CNTNAP2: variants seen among roughly 807,000 people sequenced by gnomAD.
CNTNAP2 encodes the protein contactin-associated protein-like 2.
In CNTNAP2, 98 loss-of-function variants were observed where a neutral mutation model predicts 155.2. That is an observed-to-expected ratio of 0.63 (90% CI 0.54 to 0.75). The LOEUF (loss-of-function observed/expected upper bound fraction) is 0.75. Ranked by LOEUF, CNTNAP2 falls within the 30% of genes least tolerant of loss-of-function variation. The pLI is 0.00. For synonymous variants in CNTNAP2, 651 were observed against 631.2 expected (o/e 1.03, Z -0.47); for missense variants, 1,727 against 1,688.1 (o/e 1.02, Z -0.40).
chr7:147,284,762 G>A (rs1366570336), intron 8 of CNTNAP2, among the ~76,000 whole-genome samples: 1 of 151,696 alleles, frequency 6.6e-6, no homozygotes, highest in Non-Finnish European at 1.5e-5. Context: ...CTACCAAAAG[G>A]GCAGTTGACA....
chr7:146,586,018 C>CAACAAAACAA (rs59673565), intron 1 of CNTNAP2, among the ~76,000 whole-genome samples: 123,454 of 151,066 alleles, frequency 0.82, 50,985 homozygotes, highest in South Asian at 0.9. Context: ...AAAACAACAA[C>CAACAAAACAA]AACAAAACAA....
intron 9 of CNTNAP2, among the ~76,000 whole-genome samples, chr7:147,342,340 GA>G (rs971511376): frequency 7.9e-6 from 1 of 126,706 alleles, no homozygotes; most frequent in African/African-American, 2.8e-5. Flanking sequence ...TTTGATCAAA[GA>G]AAAAATATGT....
At chr7:148,390,306 C>A (rs928583274) in intron 22 of CNTNAP2, among the ~76,000 whole-genome samples, 2 of 151,922 alleles carry the variant, frequency 1.3e-5, no homozygotes, top group African/African-American at 4.8e-5. Context: ...AACAAATGAA[C>A]AATAAATTTG....
At chr7:148,322,318 G>T (rs1162503745) in intron 21 of CNTNAP2, among the ~76,000 whole-genome samples, 2 of 152,146 alleles carry the variant, frequency 1.3e-5, no homozygotes, top group Admixed American at 6.5e-5. Flanking sequence ...TACTCCCTCT[G>T]CCACGCTAGG....
chr7:147,519,340 C>T (rs1420416617), intron 11 of CNTNAP2, among the ~76,000 whole-genome samples: 1 of 152,080 alleles, frequency 6.6e-6, no homozygotes, highest in Non-Finnish European at 1.5e-5. Context: ...CACTGACTAC[C>T]CTGCCTTTCT....
chr7:148,070,976 T>G (rs192922344), intron 15 of CNTNAP2, among the ~76,000 whole-genome samples: 4 of 152,158 alleles, frequency 2.6e-5, no homozygotes, highest in Admixed American at 2.6e-4. Flanking sequence ...ATCATTTAAT[T>G]TTTCTTTTTT....
At chr7:146,744,079 A>C (rs1265485903) in intron 1 of CNTNAP2, among the ~76,000 whole-genome samples, 1 of 151,780 alleles carries the variant, frequency 6.6e-6, no homozygotes, top group Non-Finnish European at 1.5e-5. Flanking sequence ...AATACAAAAA[A>C]TAGCCAGATG....
At chr7:147,785,934 A>G (rs1012318668) in intron 13 of CNTNAP2, among the ~76,000 whole-genome samples, 5 of 151,418 alleles carry the variant, frequency 3.3e-5, no homozygotes, top group African/African-American at 7.3e-5. Flanking sequence ...GGAGGTTGCA[A>G]TGAGCCAAGA....
chr7:146,835,860 A>G (rs1278940696), intron 2 of CNTNAP2, among the ~76,000 whole-genome samples: 6 of 152,136 alleles, frequency 3.9e-5, no homozygotes, highest in Non-Finnish European at 8.8e-5. Flanking sequence ...TCTTTGACCA[A>G]TCCCTGCAGG....
rs529427498 is a variant in CNTNAP2, at chr7:147,574,951, G to A, written c.1897+12694G>A. Among the ~76,000 whole-genome samples the A allele has an allele frequency of 2.0e-5, 3 of 152,148 alleles. No homozygotes were observed. The East Asian group carries it at 5.8e-4, about 29-fold the overall frequency. On this transcript the variant is annotated intron_variant, in intron 12 of 23. Coordinates refer to ENST00000361727, the MANE Select transcript of CNTNAP2 (RefSeq NM_014141.6). ...TTTATTAATTACTGAATCTTTTATG[G>A]ATTCATGGTCGAAAGTTGGGTTGGT...
intron 23 of CNTNAP2, among the ~76,000 whole-genome samples, chr7:148,410,564 TCAA>T (rs1563078141): frequency 4.1e-5 from 1 of 24,548 alleles, no homozygotes; most frequent in Non-Finnish European, 1.1e-4. Flanking sequence ...GAGACCTTTC[TCAA>T]AAAAAAAAAA....
intron 3 of CNTNAP2, among the ~76,000 whole-genome samples, chr7:146,991,533 A>G (rs747768722): frequency 6.6e-6 from 1 of 152,196 alleles, no homozygotes; most frequent in Non-Finnish European, 1.5e-5. Flanking sequence ...GTTAAATAAG[A>G]AAGAAGTTAC....
intron 1 of CNTNAP2, among the ~76,000 whole-genome samples, chr7:146,694,711 A>G (rs1224584898): frequency 6.6e-6 from 1 of 152,126 alleles, no homozygotes; most frequent in African/African-American, 2.4e-5. Flanking sequence ...AACAATATTG[A>G]GTCTTTCTAT....
chr7:147,840,411 G>C (rs1014825275), intron 13 of CNTNAP2, among the ~76,000 whole-genome samples: 1 of 152,126 alleles, frequency 6.6e-6, no homozygotes, highest in Non-Finnish European at 1.5e-5. Flanking sequence ...CCACTGGTGG[G>C]GGCAGAGGAA....
chr7:147,332,411 C>T (rs1795586878), intron 9 of CNTNAP2, among the ~76,000 whole-genome samples: 1 of 152,106 alleles, frequency 6.6e-6, no homozygotes, highest in African/African-American at 2.4e-5. Context: ...TTTCTGCTTT[C>T]TTCATCATTT....
At chr7:146,367,238 T>G (rs1795168594) in intron 1 of CNTNAP2, among the ~76,000 whole-genome samples, 1 of 152,150 alleles carries the variant, frequency 6.6e-6, no homozygotes, top group Non-Finnish European at 1.5e-5. Context: ...TCGCCTAATT[T>G]AATCCTCATA....
At chr7:147,983,601 G>A (rs1191545083) in intron 15 of CNTNAP2, among the ~76,000 whole-genome samples, 2 of 152,166 alleles carry the variant, frequency 1.3e-5, no homozygotes, top group Non-Finnish European at 2.9e-5. Flanking sequence ...GTTTTAGAAA[G>A]ACATAAGACA....
intron 13 of CNTNAP2, among the ~76,000 whole-genome samples, chr7:147,819,693 A>G (rs1798332427): frequency 6.6e-6 from 1 of 152,196 alleles, no homozygotes; most frequent in Non-Finnish European, 1.5e-5. Context: ...GCCAATTCCT[A>G]GGTCATCAGT....
chr7:146,140,234 T>C (rs1323532404), intron 1 of CNTNAP2, among the ~76,000 whole-genome samples: 2 of 152,154 alleles, frequency 1.3e-5, no homozygotes, highest in Non-Finnish European at 2.9e-5. Context: ...TATCATCCTG[T>C]GTTTTCAAGA....
Sources: allele counts gnomAD v4.1 joint callset (sites outside exome capture counted in the v4.1 genomes callset), GRCh38; gene constraint gnomAD v4.1.1; transcripts MANE v1.5; gene names NCBI Gene and HGNC (gene_info 2026-07-23, HGNC 2026-07-21).